The following FARP2 variants were observed in gnomAD, a reference collection of about 807,000 sequenced individuals.
FARP2 encodes the protein FERM, ARH/RhoGEF and pleckstrin domain protein 2.
A neutral mutation model predicts 130.5 loss-of-function variants in FARP2; 111 were observed. The observed-to-expected ratio is 0.85, with a 90% CI of 0.73 to 1.00. The LOEUF (loss-of-function observed/expected upper bound fraction) is 1.00. Among genes scored for constraint, FARP2 ranks in the 50% least tolerant of loss-of-function variants. FARP2 has a pLI of 0.00. For synonymous variants in FARP2, 504 were observed against 516.9 expected (o/e 0.98, Z 0.34); for missense variants, 1,385 against 1,346.3 (o/e 1.03, Z -0.45).
At chr2:241,402,545 C>G (rs1559734439) in intron 2 of FARP2, among the ~76,000 whole-genome samples, 5 of 151,922 alleles carry the variant, frequency 3.3e-5, no homozygotes, top group African/African-American at 1.2e-4. Context: ...TTCCTTTTTG[C>G]TATGCTTAGG....
At position 241,487,746 on chromosome 2, in the gene FARP2, C is replaced by CTTTTTTTTTTTTTTTTTTTTTTTT. The variant is rs1167750549; in HGVS notation, c.2422-2195_2422-2194insTTTTTTTTTTTTTTTTTTTTTTTT. Among the ~76,000 whole-genome samples, 3 of 73,232 alleles carry CTTTTTTTTTTTTTTTTTTTTTTTT rather than the reference C, an allele frequency of 4.1e-5. 1 individual carries two copies. The highest frequency in any genetic ancestry group is 7.2e-5 in the Non-Finnish European group (3 of 41,940). The allele number at this position is 73,232 out of a possible 152,430, so 48.0% of individuals were successfully genotyped here. Reference sequence around the variant, plus strand: ...ATGTCATAGCTTAGCCTAGCCTACTCTTTTTTTTTTTTTTTTTTTTTGAGA... The same window carrying CTTTTTTTTTTTTTTTTTTTTTTTT: ...ATGTCATAGCTTAGCCTAGCCTACTCTTTTTTTTTTTTTTTTTTTTTTTTTTTTTTTTTTTTTTTTTTTTTGAGA... On this transcript the variant is annotated intron_variant, in intron 21 of 26. Coordinates refer to ENST00000264042, the MANE Select transcript of FARP2 (RefSeq NM_014808.4).
intron 2 of FARP2, among the ~76,000 whole-genome samples, chr2:241,399,736 T>C (rs1334678139): frequency 6.6e-6 from 1 of 151,982 alleles, no homozygotes; most frequent in Non-Finnish European, 1.5e-5. Flanking sequence ...CTTTTGGGGG[T>C]GGGGGAGCTA....
chr2:241,423,162 C>G (rs529013870), intron 8 of FARP2, among the ~76,000 whole-genome samples: 1 of 152,250 alleles, frequency 6.6e-6, no homozygotes, highest in African/African-American at 2.4e-5. Context: ...ATATAATCAT[C>G]AGATTCTCCA....
At chr2:241,397,115 A>G (rs1410705083) in intron 2 of FARP2, among the ~76,000 whole-genome samples, 2 of 152,164 alleles carry the variant, frequency 1.3e-5, no homozygotes, top group African/African-American at 4.8e-5. Context: ...GTTCTCACTC[A>G]TAGATGGGAA....
At chr2:241,449,435 T>C (rs1006585487) in intron 13 of FARP2, among the ~76,000 whole-genome samples, 3 of 152,218 alleles carry the variant, frequency 2.0e-5, no homozygotes, top group Non-Finnish European at 2.9e-5. Context: ...TGATTCTTCC[T>C]CCACTAATAG....
At chr2:241,375,810 C>T (rs1372288679) in intron 2 of FARP2, among the ~76,000 whole-genome samples, 1 of 151,840 alleles carries the variant, frequency 6.6e-6, no homozygotes, top group Non-Finnish European at 1.5e-5. Context: ...CCAGGCCAGC[C>T]TCTAACTCTT....
intron 1 of FARP2, among the ~76,000 whole-genome samples, chr2:241,368,621 G>A (rs906920873): frequency 2.6e-5 from 4 of 152,046 alleles, no homozygotes; most frequent in East Asian, 1.9e-4. Context: ...GTTACCTGCC[G>A]GTATTCTATT....
chr2:241,465,396 G>A (rs1487088780), intron 17 of FARP2: 1 of 1,294,038 alleles, frequency 7.7e-7, no homozygotes, highest in Admixed American at 2.0e-5. Context: ...AGCTGCTGTG[G>A]GGAGGGCAGG....
intron 25 of FARP2, 99 bp from the exon 26 acceptor site, chr2:241,493,194 G>A (rs1264079333): frequency 1.4e-6 from 2 of 1,389,694 alleles, no homozygotes; most frequent in Non-Finnish European, 2.0e-6. Flanking sequence ...CTTGGCCCGT[G>A]GGCATTTGTA....
chr2:241,358,186 C>T (rs552152954), intron 1 of FARP2, among the ~76,000 whole-genome samples: 14 of 151,926 alleles, frequency 9.2e-5, no homozygotes, highest in South Asian at 2.1e-4. Context: ...GAGACTCTGT[C>T]TCAAAAAAAT....
chr2:241,396,077 A>T (rs1274000398), intron 2 of FARP2: 2 of 152,226 alleles, frequency 1.3e-5, no homozygotes, highest in Non-Finnish European at 2.9e-5. Flanking sequence ...AAAACAAGCA[A>T]TGGGGAAAGG....
intron 7 of FARP2, among the ~76,000 whole-genome samples, chr2:241,414,310 C>G (rs541174205): frequency 6.6e-6 from 1 of 152,322 alleles, no homozygotes; most frequent in African/African-American, 2.4e-5. Flanking sequence ...GGGCTCTGGG[C>G]TCTGGCCCAG....
At chr2:241,391,987 G>A (rs1201904188) in intron 2 of FARP2, among the ~76,000 whole-genome samples, 3 of 152,216 alleles carry the variant, frequency 2.0e-5, no homozygotes, top group Non-Finnish European at 4.4e-5. Flanking sequence ...AGGACCAGGA[G>A]ATATGGTGAG....
At chr2:241,422,179 G>T (rs1315136772) in intron 8 of FARP2, among the ~76,000 whole-genome samples, 1 of 149,040 alleles carries the variant, frequency 6.7e-6, no homozygotes, top group Non-Finnish European at 1.5e-5. Flanking sequence ...ACTGTGGGAG[G>T]CTGAAACAAG....
Position 241,430,695 on chromosome 2 carries a change from A to G in FARP2, c.772-984A>G, listed in dbSNP as rs190382983. On this transcript the variant is annotated intron_variant, in intron 8 of 26. Coordinates refer to ENST00000264042, the MANE Select transcript of FARP2 (RefSeq NM_014808.4). ...TTAACATTGATTTTAAAATTTTGCAATAAAACCTTATCAAAGAAATTAAAA... is the reference window on the plus strand; with the variant it reads ...TTAACATTGATTTTAAAATTTTGCAGTAAAACCTTATCAAAGAAATTAAAA... Among the ~76,000 whole-genome samples the G allele has an allele frequency of 3.3e-5, 5 of 152,264 alleles. No individual in the cohort carries two copies. The East Asian group carries it at 9.6e-4, about 29-fold the overall frequency.
At chr2:241,356,551 C>T (rs1453672401) in intron 1 of FARP2, among the ~76,000 whole-genome samples, 163 bp downstream of exon 1, 1 of 152,186 alleles carries the variant, frequency 6.6e-6, no homozygotes, top group African/African-American at 2.4e-5. Context: ...CGTGAGGCGG[C>T]TGGAGCTCCT....
At chr2:241,398,517 A>T (rs2062084558) in intron 2 of FARP2, among the ~76,000 whole-genome samples, 1 of 151,510 alleles carries the variant, frequency 6.6e-6, no homozygotes, top group African/African-American at 2.4e-5. Context: ...TGTTTAATTG[A>T]CATTTTGGTA....
intron 2 of FARP2, among the ~76,000 whole-genome samples, chr2:241,378,364 C>T (rs550415952): frequency 9.9e-4 from 150 of 151,254 alleles, no homozygotes; most frequent in Middle Eastern, 3.4e-3. Flanking sequence ...GCCTCCCCCC[C>T]TCGGCCTCCC....
intron 19 of FARP2, chr2:241,478,535 G>A (rs62190413): frequency 0.13 from 52,097 of 414,970 alleles, 3,796 homozygotes; most frequent in Non-Finnish European, 0.15. Context: ...GGCTAACCCC[G>A]ACAAGGATGA....
Sources: gnomAD v4.1 joint callset for allele counts (sites outside exome capture counted in the v4.1 genomes callset) on GRCh38, gnomAD v4.1.1 for gene constraint, MANE v1.5 for transcripts, NCBI Gene and HGNC (gene_info 2026-07-23, HGNC 2026-07-21) for gene names.